SYNE3: variants seen among roughly 807,000 people sequenced by gnomAD.
SYNE3 encodes the protein spectrin repeat containing nuclear envelope family member 3.
In SYNE3, 100 loss-of-function variants were observed where a neutral mutation model predicts 111.2. That is an observed-to-expected ratio of 0.90 (90% CI 0.77 to 1.06). SYNE3 has a LOEUF of 1.06. SYNE3 is among the 50% of genes least tolerant of loss of function. SYNE3 has a pLI of 0.00. For synonymous variants in SYNE3, 547 were observed against 533.9 expected, an observed-to-expected ratio of 1.02 and a Z score of -0.34; for missense variants, 1,160 against 1,240.3, an observed-to-expected ratio of 0.94 and a Z score of 0.97.
At chr14:95,449,719 G>T (rs1886942456) in intron 8 of SYNE3, 2 of 978,958 alleles carry the variant, frequency 2.0e-6, no homozygotes, top group Non-Finnish European at 2.4e-6. Flanking sequence ...GGAGCCCCGG[G>T]TTAACCCCCA....
chr14:95,480,416 C>A (rs918219480), intron 1 of SYNE3, among the ~76,000 whole-genome samples: 18 of 152,288 alleles, frequency 1.2e-4, no homozygotes, highest in Admixed American at 1.2e-3. Context: ...TGATGGAAAC[C>A]CCCGAGCTGG....
chr14:95,488,977 G>A (rs141558974), intron 1 of SYNE3, among the ~76,000 whole-genome samples: 138 of 152,304 alleles, frequency 9.1e-4, no homozygotes, highest in African/African-American at 2.4e-3. Context: ...TCTGTGCTGA[G>A]CACTTCCCAG....
chr14:95,465,458 G>T (rs1888104109), intron 4 of SYNE3, among the ~76,000 whole-genome samples: 1 of 152,128 alleles, frequency 6.6e-6, no homozygotes, highest in South Asian at 2.1e-4. Flanking sequence ...GTGGTGAAGG[G>T]GTAGGCAGTG....
chr14:95,469,626 G>A (rs953140565), intron 2 of SYNE3, among the ~76,000 whole-genome samples: 3 of 151,654 alleles, frequency 2.0e-5, no homozygotes, highest in Non-Finnish European at 2.9e-5. Flanking sequence ...TGGGAGGATC[G>A]CTTGAGCTTG....
chr14:95,494,257 G>A (rs920599861), intron 1 of SYNE3, among the ~76,000 whole-genome samples: 4 of 152,238 alleles, frequency 2.6e-5, no homozygotes, highest in African/African-American at 9.6e-5. Flanking sequence ...AAATGAGAGT[G>A]CTATGGGTGT....
intron 17 of SYNE3, 37 bp from the exon 18 acceptor site, chr14:95,418,063 G>T (rs765505660): frequency 6.3e-7 from 1 of 1,599,480 alleles, no homozygotes; most frequent in Non-Finnish European, 8.5e-7. Flanking sequence ...GTGGGCTGGG[G>T]GGCTCTGGTG....
At chr14:95,458,048 A>C (rs902403252) in intron 4 of SYNE3, among the ~76,000 whole-genome samples, 11 of 152,212 alleles carry the variant, frequency 7.2e-5, no homozygotes, top group Non-Finnish European at 1.5e-4. Context: ...GGTCTTAACA[A>C]CACAGGGGTA....
intron 1 of SYNE3, among the ~76,000 whole-genome samples, chr14:95,492,996 T>G (rs1487224121): frequency 6.6e-6 from 1 of 152,120 alleles, no homozygotes; most frequent in Non-Finnish European, 1.5e-5. Context: ...ATCAACCATC[T>G]CTGCTTGAAT....
chr14:95,495,280 C>A (rs1890040657), intron 1 of SYNE3, among the ~76,000 whole-genome samples: 1 of 152,182 alleles, frequency 6.6e-6, no homozygotes, highest in African/African-American at 2.4e-5. Flanking sequence ...AGTCCTTTTC[C>A]CAGCAAAATG....
chr14:95,516,534 GCCCGGCC>G (rs527810309), intron 1 of SYNE3, among the ~76,000 whole-genome samples, 55 bp downstream of exon 1: 5,354 of 131,786 alleles, frequency 0.041, 153 homozygotes, highest in South Asian at 0.15. Context: ...GACCCCACCC[GCCCGGCC>G]CCCGGCCCCC....
chr14:95,439,239 T>C, intron 13 of SYNE3, 77 bp from the exon 14 acceptor site: 3 of 1,594,278 alleles, frequency 1.9e-6, no homozygotes, highest in Non-Finnish European at 2.6e-6. Flanking sequence ...GTAATAGAAT[T>C]GGGGAACCAC....
At position 95,417,962 on chromosome 14, in the gene SYNE3, T is replaced by C; in HGVS notation, c.2792A>G (p.Gln931Arg). The C allele has an allele frequency of 6.2e-7, 1 of 1,613,450 alleles. No individual in the cohort carries two copies. The highest frequency in any genetic ancestry group is 1.8e-4 in the Middle Eastern group (1 of 5,602). The change falls in exon 18 of 18, where the codon CAG becomes CGG. Residue 931 changes from glutamine (Q) to arginine (R), a missense_variant. Coordinates refer to ENST00000682763, the MANE Select transcript of SYNE3 (RefSeq NM_152592.6). ...RRACCVALPL[Q>R]LLLLLFLLLL... ...GAGGAGGAACAGCAGCAGAAGCAGC[T>C]GCAGTGGGAGCGCCACACAGCACGC...
chr14:95,433,165 G>T, intron 16 of SYNE3, 95 bp downstream of exon 16: 1 of 1,508,254 alleles, frequency 6.6e-7, no homozygotes, highest in South Asian at 1.3e-5. Flanking sequence ...CACAGGGCAG[G>T]GTGGATGCAG....
chr14:95,421,993 A>T (rs1340589167), intron 17 of SYNE3, among the ~76,000 whole-genome samples: 1 of 152,132 alleles, frequency 6.6e-6, no homozygotes, highest in African/African-American at 2.4e-5. Flanking sequence ...CTTCTGGATC[A>T]CTGATTAAGA....
Position 95,433,357 on chromosome 14 carries a change from C to G in SYNE3, c.2591G>C (p.Arg864Pro). The change falls in exon 16 of 18, where the codon CGT becomes CCT. Residue 864 changes from arginine to proline, a missense_variant. Physicochemically the swap from Arg to Pro is moderately radical, Grantham distance 103. Transcript: ENST00000682763. Reference sequence around the variant, plus strand: ...CGAGGTCCCCCTTGCTGGCCCGAGACGAAGGAGGTTCTCAAAGAGATGCTG... The same window carrying G: ...CGAGGTCCCCCTTGCTGGCCCGAGAGGAAGGAGGTTCTCAAAGAGATGCTG... The part of the protein sequence containing the change: ...EGQHLFENLL[R>P]LGPARGTSDE... 1.9e-6 allele frequency: 3 copies of G among 1,614,108 alleles called. No homozygotes were observed. Among genetic ancestry groups the G allele is most frequent in the Admixed American group, 1.7e-5 (1 of 60,026 alleles).
intron 4 of SYNE3, among the ~76,000 whole-genome samples, chr14:95,459,018 T>A (rs1459599624): frequency 6.6e-6 from 1 of 152,204 alleles, no homozygotes; most frequent in Admixed American, 6.5e-5. Flanking sequence ...AAGATTCCAA[T>A]GGCAAGTGTC....
At chr14:95,432,166 G>A (rs549032534) in intron 16 of SYNE3, 49 bp from the exon 17 acceptor site, 5 of 1,579,436 alleles carry the variant, frequency 3.2e-6, no homozygotes, top group Non-Finnish European at 4.3e-6. Context: ...AATAAGTTAA[G>A]TGAGTGAAAC....
At chr14:95,432,222 G>T (rs1358576953) in intron 16 of SYNE3, 105 bp from the exon 17 acceptor site, 24 of 1,374,668 alleles carry the variant, frequency 1.7e-5, no homozygotes, top group Non-Finnish European at 2.3e-5. Context: ...TTTGTCAGGG[G>T]AGTGTTTCTT....
intron 16 of SYNE3, 137 bp from the exon 17 acceptor site, chr14:95,432,254 C>T: frequency 1.1e-6 from 1 of 944,004 alleles, no homozygotes; most frequent in Non-Finnish European, 1.6e-6. Context: ...GTCATCTGGA[C>T]AGCCTGAGCC....
Sources: allele counts gnomAD v4.1 joint callset (sites outside exome capture counted in the v4.1 genomes callset), GRCh38; gene constraint gnomAD v4.1.1; transcripts MANE v1.5; gene names NCBI Gene and HGNC (gene_info 2026-07-23, HGNC 2026-07-21).